The following TNFSF8 variants were observed in gnomAD, a reference collection of about 807,000 sequenced individuals.
The protein encoded by TNFSF8 is tumor necrosis factor ligand superfamily member 8.
A neutral mutation model predicts 22.0 loss-of-function variants in TNFSF8; 4 were observed. The ratio of observed to expected loss-of-function variants is 0.18; its 90% confidence interval spans 0.09 to 0.42. The LOEUF (loss-of-function observed/expected upper bound fraction) is 0.42. Ranked by LOEUF, TNFSF8 falls within the 10% of genes least tolerant of loss-of-function variation. The pLI is 1.00. For synonymous variants in TNFSF8, 106 were observed against 112.5 expected (o/e 0.94, Z 0.37); for missense variants, 233 against 281.8 (o/e 0.83, Z 1.24).
chr9:114,912,580 A>G (rs929737567), intron 2 of TNFSF8, among the ~76,000 whole-genome samples: 2 of 152,070 alleles, frequency 1.3e-5, no homozygotes, highest in African/African-American at 4.8e-5. Context: ...TTTTGAAGAC[A>G]GGGTTTCACC....
Position 114,902,178 on chromosome 9 carries a change from A to G in TNFSF8, c.*1753T>C, listed in dbSNP as rs1030991168. 1.4e-5 allele frequency: 14 copies of G among 985,280 alleles called. No individual in the cohort carries two copies. In the Admixed American group the frequency reaches 3.7e-4, roughly 26 times the overall value. The allele number at this position is 985,280 out of a possible 1,614,324, so 61.0% of individuals were successfully genotyped here. A position where few individuals can be genotyped will look rare whatever the true frequency, so the allele number is the denominator to read the frequency against. ...GATGCCAAGTTGGATATAGCTAGAGAAATCTCATGGCTACCCCAATCAGGA... is the reference window on the plus strand; with the variant it reads ...GATGCCAAGTTGGATATAGCTAGAGGAATCTCATGGCTACCCCAATCAGGA... On this transcript the variant is annotated 3_prime_UTR_variant, in exon 4 of 4. Coordinates refer to ENST00000223795, the MANE Select transcript of TNFSF8 (RefSeq NM_001244.4).
chr9:114,930,079 A>G, intron 1 of TNFSF8, 30 bp downstream of exon 1: 1 of 1,417,950 alleles, frequency 7.1e-7, no homozygotes, highest in Non-Finnish European at 9.3e-7. Flanking sequence ...ACAACAAGAA[A>G]AGGAAAGGGA....
intron 1 of TNFSF8, among the ~76,000 whole-genome samples, chr9:114,927,077 A>G (rs1430144294): frequency 6.8e-6 from 1 of 146,948 alleles, no homozygotes; most frequent in Non-Finnish European, 1.5e-5. Flanking sequence ...TTATTTTATA[A>G]TATATTTATA....
rs914852594 is a variant in TNFSF8, at chr9:114,925,714, AT to A, written c.195+4394del. 2.0e-5 allele frequency among the ~76,000 whole-genome samples: 3 copies of A among 151,944 alleles called. No individual in the cohort carries two copies. In the East Asian group the frequency reaches 5.8e-4, roughly 29 times the overall value. On this transcript the variant is annotated intron_variant, in intron 1 of 3. Coordinates refer to ENST00000223795, the MANE Select transcript of TNFSF8 (RefSeq NM_001244.4). ...TATTATTATTATTTTTAAAAAAAGAATTTTTTTTGCTTATAAAGGGAAAAGA... is the reference window on the plus strand; with the variant it reads ...TATTATTATTATTTTTAAAAAAAGAATTTTTTTGCTTATAAAGGGAAAAGA...
Position 114,904,583 on chromosome 9 carries a change from T to C in TNFSF8, c.311-258A>G, listed in dbSNP as rs943370137. ...CACATGGTACTTTACTTCTACCTCCTATAGAATGGTTTTCCACTGAATCAT... is the reference window on the plus strand; with the variant it reads ...CACATGGTACTTTACTTCTACCTCCCATAGAATGGTTTTCCACTGAATCAT... On this transcript the variant is annotated intron_variant, in intron 3 of 3. Coordinates refer to ENST00000223795, the MANE Select transcript of TNFSF8 (RefSeq NM_001244.4). Among the ~76,000 whole-genome samples the C allele has an allele frequency of 2.0e-5, 3 of 152,222 alleles. No homozygotes were observed. In the East Asian group the frequency reaches 5.8e-4, roughly 29 times the overall value.
rs183892147 is a variant in TNFSF8, at chr9:114,904,099, A to G, written c.537T>C (p.Ser179=). ...KKQALVTVCE[S]GMQTKHVYQN... ...GGTATACGTGTTTCGTTTGCATTCC[A>G]GACTCACACACTGTCACCAGGGCCT... Residue 179 remains serine (S), a synonymous_variant, in exon 4 of 4, where the codon TCT becomes TCC. Coordinates refer to ENST00000223795, the MANE Select transcript of TNFSF8 (RefSeq NM_001244.4). 1.5e-5 allele frequency: 24 copies of G among 1,614,176 alleles called. No homozygotes were observed. The highest frequency in any genetic ancestry group is 1.7e-4 in the Middle Eastern group (1 of 6,058).
Position 114,905,823 on chromosome 9 carries a change from C to T in TNFSF8, c.310+5G>A. The T allele has an allele frequency of 6.2e-7, 1 of 1,608,902 alleles. No homozygotes were observed. The highest frequency in any genetic ancestry group is 8.5e-7 in the Non-Finnish European group (1 of 1,175,430). On this transcript the variant is annotated splice_donor_5th_base_variant and intron_variant, in intron 3 of 3. Transcript: ENST00000223795. ...TGTTTAGGTTTCCTGGGCTTGGTTA[C>T]TGACCTTGGAGGTAGGCCCATGACT...
rs1827777651 is a variant in TNFSF8, at chr9:114,905,857, G to A, written c.281C>T (p.Pro94Leu). The A allele has an allele frequency of 1.2e-6, 2 of 1,612,744 alleles. No homozygotes were observed. The highest frequency in any genetic ancestry group is 1.7e-6 in the Non-Finnish European group (2 of 1,178,800). ...GAGGTAGGCCCATGACTTCTTGAAT[G>A]GAGCCCTTTTCAGGATACATAAGAG... Reference protein sequence around the residue: ...EDLLCILKRAPFKKSWAYLQV... With the variant: ...EDLLCILKRALFKKSWAYLQV... Residue 94 changes from proline (P) to leucine (L), a missense_variant, in exon 3 of 4, where the codon CCA becomes CTA. Physicochemically the swap from Pro to Leu is moderately conservative, Grantham distance 98. Coordinates refer to ENST00000223795, the MANE Select transcript of TNFSF8 (RefSeq NM_001244.4).
intron 2 of TNFSF8, among the ~76,000 whole-genome samples, chr9:114,912,297 A>G (rs1424631289): frequency 6.6e-6 from 1 of 152,202 alleles, no homozygotes; most frequent in Non-Finnish European, 1.5e-5. Context: ...GCCCTAGTCC[A>G]TGGTTTGTGC....
At chr9:114,917,707 GT>G (rs1242579845) in intron 2 of TNFSF8, among the ~76,000 whole-genome samples, 1 of 152,236 alleles carries the variant, frequency 6.6e-6, no homozygotes, top group African/African-American at 2.4e-5. Flanking sequence ...CCTTGATGAG[GT>G]GAGTATTATT....
exon 5 of TNFSF8, chr9:114,893,972 G>T (rs1827631062): frequency 1.1e-6 from 1 of 909,726 alleles, no homozygotes; most frequent in Non-Finnish European, 1.7e-6. Flanking sequence ...GGCTATGTCG[G>T]TTTAGGCCCA....
intron 2 of TNFSF8, 35 bp from the exon 3 acceptor site, chr9:114,905,934 T>C (rs1469847136): frequency 3.4e-6 from 5 of 1,485,804 alleles, no homozygotes; most frequent in Non-Finnish European, 4.7e-6. Context: ...AAAATGTCTT[T>C]TGCCGTTTTG....
rs763199969 is a variant in TNFSF8 at position 114,902,370 on chromosome 9, G to A, written c.*1561C>T. 5 of 985,410 alleles carry A rather than the reference G, an allele frequency of 5.1e-6. No homozygotes were observed. Among genetic ancestry groups the A allele is most frequent in the Non-Finnish European group, 6.0e-6 (5 of 829,926 alleles). 61.0% of individuals were successfully genotyped at this position (985,410 alleles called of 1,614,324 possible). ...TGGAGCAGCCATTCCCTGGCTAGAT[G>A]ACCACATCACTGTTGCACACTGATT... On this transcript the variant is annotated 3_prime_UTR_variant, in exon 4 of 4. Transcript: ENST00000223795.
intron 2 of TNFSF8, among the ~76,000 whole-genome samples, chr9:114,917,391 C>A (rs1311278824): frequency 6.6e-6 from 1 of 152,196 alleles, no homozygotes; most frequent in Non-Finnish European, 1.5e-5. Context: ...GGACGAGATA[C>A]TTCACTTTCC....
At chr9:114,900,621 T>G (rs1004910674), downstream of TNFSF8, among the ~76,000 whole-genome samples, 2 of 152,162 alleles carry the variant, frequency 1.3e-5, no homozygotes, top group Admixed American at 6.5e-5. Context: ...GGGATGGTGA[T>G]TTGAATGTGA....
exon 5 of TNFSF8, chr9:114,894,091 A>G: frequency 6.5e-7 from 1 of 1,535,238 alleles, no homozygotes. Flanking sequence ...AGGGTTGTAG[A>G]GTTTCAAGGC....
At chr9:114,924,183 T>C (rs531394945) in intron 1 of TNFSF8, among the ~76,000 whole-genome samples, 1 of 152,308 alleles carries the variant, frequency 6.6e-6, no homozygotes, top group South Asian at 2.1e-4. Flanking sequence ...CCTGAGGAGC[T>C]TGTTAAAATG....
At chr9:114,916,134 A>T (rs1476921728) in intron 2 of TNFSF8, among the ~76,000 whole-genome samples, 1 of 152,236 alleles carries the variant, frequency 6.6e-6, no homozygotes, top group South Asian at 2.1e-4. Flanking sequence ...CTGGCAAAAA[A>T]CAAGCCAACT....
chr9:114,912,564 A>ATT (rs113374990), intron 2 of TNFSF8, among the ~76,000 whole-genome samples: 2 of 151,054 alleles, frequency 1.3e-5, no homozygotes, highest in Non-Finnish European at 3.0e-5. Context: ...TAATTTTTGT[A>ATT]TTTTTTTTTG....
Sources: allele counts gnomAD v4.1 joint callset (sites outside exome capture counted in the v4.1 genomes callset), GRCh38; gene constraint gnomAD v4.1.1; transcripts MANE v1.5; gene names NCBI Gene and HGNC (gene_info 2026-07-23, HGNC 2026-07-21).